Variants in RNF17 observed in about 807,000 individuals in gnomAD.
RNF17 encodes the protein spermatogenesis associated 23.
RNF17 carries 31 observed loss-of-function variants against 200.5 expected under a neutral mutation model. That is an observed-to-expected ratio of 0.15 (90% CI 0.12 to 0.21). The LOEUF (loss-of-function observed/expected upper bound fraction) is 0.21. Among genes scored for constraint, RNF17 ranks in the 10% least tolerant of loss-of-function variants. The probability of loss-of-function intolerance (pLI) is 1.00; values close to 1 mark genes in which losing one functional copy is unlikely to be tolerated. For missense variants in RNF17, 1,628 were observed against 1,905.1 expected, an observed-to-expected ratio of 0.85 and a Z score of 2.71; for synonymous variants, 606 against 637.8, an observed-to-expected ratio of 0.95 and a Z score of 0.75.
chr13:24,875,153 C>G (rs1894719467), intron 33 of RNF17, among the ~76,000 whole-genome samples: 1 of 152,064 alleles, frequency 6.6e-6, no homozygotes, highest in Admixed American at 6.5e-5. Flanking sequence ...CTAACTTGTT[C>G]TAACATGTCT....
intron 18 of RNF17, among the ~76,000 whole-genome samples, chr13:24,837,732 C>A (rs1329078907): frequency 6.6e-6 from 1 of 152,086 alleles, no homozygotes; most frequent in Non-Finnish European, 1.5e-5. Context: ...ATGCCCACAT[C>A]AAAAAGACTG....
intron 28 of RNF17, 68 bp downstream of exon 28, chr13:24,862,861 G>T: frequency 1.1e-6 from 1 of 950,692 alleles, no homozygotes; most frequent in Non-Finnish European, 1.7e-6. Context: ...CATAATTTGA[G>T]GGATATTTTT....
chr13:24,814,406 T>C (rs955684942), intron 15 of RNF17, among the ~76,000 whole-genome samples: 2 of 152,232 alleles, frequency 1.3e-5, no homozygotes, highest in African/African-American at 4.8e-5. Flanking sequence ...ATTTAATTAT[T>C]GTTTCTTTTG....
chr13:24,820,479 A>AGT, intron 15 of RNF17, among the ~76,000 whole-genome samples: 1 of 146,138 alleles, frequency 6.8e-6, no homozygotes, highest in East Asian at 2.1e-4. Flanking sequence ...TCTGTCACCC[A>AGT]GGTTGGAGTA....
At chr13:24,874,043 G>T in intron 32 of RNF17, 71 bp from the exon 33 acceptor site, 2 of 1,513,556 alleles carry the variant, frequency 1.3e-6, no homozygotes, top group Non-Finnish European at 1.8e-6. Flanking sequence ...CCTTTGATAT[G>T]CTGATTTCCT....
chr13:24,804,352 A>G lies in RNF17; in HGVS notation c.2014A>G (p.Ile672Val). 2 of 1,612,038 alleles carry G rather than the reference A, an allele frequency of 1.2e-6. No homozygotes were observed. The highest frequency in any genetic ancestry group is 1.7e-6 in the Non-Finnish European group (2 of 1,178,188). ...TACTACTTTACACTATCATCCACCT[A>G]TTTTGCCTAAAGAAATGACAGATGT... ...KNTTLHYHPP[I>V]LPKEMTDVSV... Residue 672 changes from isoleucine to valine, a missense_variant, in exon 15 of 36, where the codon ATT becomes GTT. Physicochemically the swap from Ile to Val is conservative, Grantham distance 29. This residue lies in a region of RNF17 where 289 missense variants were observed against 384.9 expected (regional missense o/e 0.75). Transcript: ENST00000255324.
At chr13:24,752,033 TGCAGCAA>T in the RNF17 span, 1 of 152,276 alleles carries the variant, frequency 6.6e-6, no homozygotes, top group Non-Finnish European at 1.5e-5. Context: ...TTTTGCAAAC[TGCAGCAA>T]GTAAAAGTGG....
intron 15 of RNF17, among the ~76,000 whole-genome samples, chr13:24,823,082 A>G (rs1307172739): frequency 6.6e-6 from 1 of 151,842 alleles, no homozygotes; most frequent in Non-Finnish European, 1.5e-5. Context: ...TTCTTTTTTT[A>G]AAAGAAAAAA....
In RNF17 at chr13:24,843,924, T is replaced by C; in HGVS notation, c.2784T>C (p.Pro928=). ...TGCATATCTGTAATGTAATATCTCC[T>C]GAGAAGATTTATGTTCAGTGGTTGT... The part of the protein sequence containing the change: ...LPVHICNVIS[P]EKIYVQWLLT... The change falls in exon 20 of 36, where the codon CCT becomes CCC. Residue 928 remains proline, a synonymous_variant. Transcript: ENST00000255324. The C allele has an allele frequency of 6.4e-7, 1 of 1,573,412 alleles. No homozygotes were observed. The highest frequency in any genetic ancestry group is 8.6e-7 in the Non-Finnish European group (1 of 1,156,922).
At chr13:24,840,549 G>A (rs1890512204) in intron 18 of RNF17, among the ~76,000 whole-genome samples, 1 of 151,966 alleles carries the variant, frequency 6.6e-6, no homozygotes, top group African/African-American at 2.4e-5. Flanking sequence ...GTGTGAATAT[G>A]AATGATGGAC....
At chr13:24,809,054 T>G (rs1041435679) in intron 15 of RNF17, among the ~76,000 whole-genome samples, 40 of 152,136 alleles carry the variant, frequency 2.6e-4, no homozygotes, top group South Asian at 1.5e-3. Flanking sequence ...TGCCAGTATT[T>G]TATTGAGGAT....
chr13:24,818,549 T>G (rs959993579), intron 15 of RNF17, among the ~76,000 whole-genome samples: 2 of 152,180 alleles, frequency 1.3e-5, no homozygotes, highest in African/African-American at 4.8e-5. Flanking sequence ...TTGCTTCATA[T>G]ATTTGGGTCT....
chr13:24,758,868 A>T, the RNF17 span, among the ~76,000 whole-genome samples: 3 of 151,986 alleles, frequency 2.0e-5, no homozygotes, highest in Admixed American at 2.0e-4. Flanking sequence ...CAAGGTCAGG[A>T]GATCCAAGAC....
intron 11 of RNF17, 62 bp from the exon 12 acceptor site, chr13:24,799,333 A>G (rs1884973091): frequency 1.5e-6 from 2 of 1,302,600 alleles, no homozygotes; most frequent in Non-Finnish European, 2.2e-6. Context: ...ACGTGTCTGT[A>G]AACTTATGAA....
intron 14 of RNF17, chr13:24,803,816 A>G (rs1462693227): frequency 6.4e-6 from 1 of 156,688 alleles, no homozygotes; most frequent in Non-Finnish European, 1.4e-5. Context: ...GCCTAGCTCT[A>G]AAGTTTTGAG....
At chr13:24,871,478 C>T (rs1477038700) in intron 32 of RNF17, among the ~76,000 whole-genome samples, 1 of 151,952 alleles carries the variant, frequency 6.6e-6, no homozygotes, top group Non-Finnish European at 1.5e-5. Context: ...GTTGGGATTA[C>T]AGGTGCGTGC....
At chr13:24,857,950 G>T (rs942185136) in intron 25 of RNF17, among the ~76,000 whole-genome samples, 1 of 152,138 alleles carries the variant, frequency 6.6e-6, no homozygotes, top group Non-Finnish European at 1.5e-5. Context: ...AATGAGAAAA[G>T]AAATCACAAC....
rs750597906 is a variant in RNF17 at position 24,778,369 on chromosome 13, C to T, written c.392C>T (p.Thr131Ile). The change falls in exon 4 of 36, where the codon ACA becomes ATA. Residue 131 changes from threonine (T) to isoleucine (I), a missense_variant. Thr to Ile is a moderately conservative substitution (Grantham distance 89). This residue lies in a region of RNF17 where 502 missense variants were observed against 501.7 expected (regional missense o/e 1.00). Transcript: ENST00000255324. ...LTTGLERSAS[T>I]DKTLLNSSAV... Reference sequence around the variant, plus strand: ...ACTGGTTTAGAACGTTCAGCCTCCACAGACAAGACTCTTTTGAACTCATCA... The same window carrying T: ...ACTGGTTTAGAACGTTCAGCCTCCATAGACAAGACTCTTTTGAACTCATCA... 4.3e-6 allele frequency: 7 copies of T among 1,613,506 alleles called. No homozygotes were observed. In the African/African-American group the frequency reaches 8.0e-5, roughly 18 times the overall value.
intron 25 of RNF17, among the ~76,000 whole-genome samples, chr13:24,854,715 T>C (rs1311364645): frequency 5.9e-5 from 9 of 152,294 alleles, no homozygotes; most frequent in African/African-American, 2.2e-4. Context: ...CATGTGAAGA[T>C]GGGATCCCAA....
Sources: allele counts gnomAD v4.1 joint callset (sites outside exome capture counted in the v4.1 genomes callset), GRCh38; gene constraint gnomAD v4.1.1; regional missense constraint gnomAD v4.1.1; transcripts MANE v1.5; gene names NCBI Gene and HGNC (gene_info 2026-07-23, HGNC 2026-07-21).